Variants in NYAP2 observed in about 807,000 individuals in gnomAD.
NYAP2 encodes neuronal tyrosine-phosphorylated phosphoinositide-3-kinase adaptor 2.
NYAP2 carries 23 observed loss-of-function variants against 50.4 expected under a neutral mutation model. The ratio of observed to expected loss-of-function variants is 0.46; its 90% CI spans 0.33 to 0.65. NYAP2 has a LOEUF of 0.65. Ranked by LOEUF, NYAP2 falls within the 30% of genes least tolerant of loss-of-function variation. The pLI is 0.02. For synonymous variants in NYAP2, 394 were observed against 365.2 expected (o/e 1.08, Z -0.90); for missense variants, 885 against 861.0 (o/e 1.03, Z -0.35).
intron 3 of NYAP2, among the ~76,000 whole-genome samples, chr2:225,410,245 T>C (rs1279000312): frequency 6.6e-6 from 1 of 152,096 alleles, no homozygotes; most frequent in Admixed American, 6.6e-5. Flanking sequence ...CTCTGGACGA[T>C]TAAAATGAAA....
chr2:225,693,724 T>C, the NYAP2 span, among the ~76,000 whole-genome samples: 1 of 151,884 alleles, frequency 6.6e-6, no homozygotes, highest in Non-Finnish European at 1.5e-5. Flanking sequence ...CCCATGCACC[T>C]CCCAATCACC....
intron 2 of NYAP2, among the ~76,000 whole-genome samples, chr2:225,401,606 A>G (rs765626893): frequency 6.6e-6 from 1 of 152,018 alleles, no homozygotes; most frequent in Non-Finnish European, 1.5e-5. Flanking sequence ...GAAAGATTTT[A>G]TTAGTCTCAT....
chr2:225,442,939 G>C (rs1254549722), intron 3 of NYAP2, among the ~76,000 whole-genome samples: 1 of 152,168 alleles, frequency 6.6e-6, no homozygotes, highest in African/African-American at 2.4e-5. Flanking sequence ...AATCATAGCA[G>C]AAGGTGAAGG....
At chr2:225,608,732 C>A (rs1034308448) in intron 5 of NYAP2, among the ~76,000 whole-genome samples, 3 of 152,154 alleles carry the variant, frequency 2.0e-5, no homozygotes, top group African/African-American at 7.2e-5. Context: ...CTCTACCACA[C>A]AGTGACTTTC....
intron 4 of NYAP2, among the ~76,000 whole-genome samples, chr2:225,541,390 C>T (rs954440777): frequency 1.3e-5 from 2 of 152,052 alleles, no homozygotes; most frequent in African/African-American, 2.4e-5. Context: ...GAGAGTTTCC[C>T]CAATGTTTAA....
the NYAP2 span, among the ~76,000 whole-genome samples, chr2:225,675,897 G>C: frequency 5.5e-4 from 83 of 152,186 alleles, no homozygotes; most frequent in East Asian, 0.013. Flanking sequence ...GATGATTAGC[G>C]ATCTTAAACA....
intron 5 of NYAP2, among the ~76,000 whole-genome samples, chr2:225,616,721 C>T (rs914338717): frequency 1.3e-5 from 2 of 152,088 alleles, no homozygotes; most frequent in Non-Finnish European, 2.9e-5. Context: ...AGTTATCCTC[C>T]GAGAGGCAGG....
At chr2:225,522,005 G>T (rs187919231) in intron 4 of NYAP2, among the ~76,000 whole-genome samples, 1 of 152,060 alleles carries the variant, frequency 6.6e-6, no homozygotes, top group Admixed American at 6.6e-5. Flanking sequence ...AGTCTTGGGA[G>T]GGTGTATGTG....
At chr2:225,630,282 T>A (rs990442095) in intron 6 of NYAP2, among the ~76,000 whole-genome samples, 2 of 152,180 alleles carry the variant, frequency 1.3e-5, no homozygotes, top group African/African-American at 4.8e-5. Context: ...ATAGCCCTTG[T>A]TTGCACCCTT....
At chr2:225,519,802 G>C (rs1691014451) in intron 4 of NYAP2, among the ~76,000 whole-genome samples, 2 of 152,152 alleles carry the variant, frequency 1.3e-5, no homozygotes, top group African/African-American at 4.8e-5. Context: ...TGGGATGGCT[G>C]GGTCAAATGG....
At chr2:225,412,754 G>A (rs1274970456) in intron 3 of NYAP2, among the ~76,000 whole-genome samples, 1 of 152,120 alleles carries the variant, frequency 6.6e-6, no homozygotes, top group Non-Finnish European at 1.5e-5. Flanking sequence ...GGAGGCTTGG[G>A]TCTAGGATAA....
intron 3 of NYAP2, among the ~76,000 whole-genome samples, chr2:225,465,833 ACAAT>A (rs911001589): frequency 2.0e-5 from 3 of 152,268 alleles, no homozygotes; most frequent in African/African-American, 7.2e-5. Context: ...TTTCTTCAAC[ACAAT>A]CACTTACTAA....
chr2:225,657,934 C>G (rs180880642), downstream of NYAP2, among the ~76,000 whole-genome samples: 2 of 152,332 alleles, frequency 1.3e-5, no homozygotes, highest in African/African-American at 2.4e-5. Flanking sequence ...CCAACGGCCC[C>G]TTCTCTATAA....
At chr2:225,601,351 C>CCATGGGTCTCGATCT (rs1692687669) in intron 5 of NYAP2, among the ~76,000 whole-genome samples, 1 of 151,930 alleles carries the variant, frequency 6.6e-6, no homozygotes, top group Non-Finnish European at 1.5e-5. Flanking sequence ...GATCTCTTGA[C>CCATGGGTCTCGATCT]CTTGGGTCTC....
At chr2:225,515,274 T>A (rs1336898710) in intron 4 of NYAP2, among the ~76,000 whole-genome samples, 1 of 152,254 alleles carries the variant, frequency 6.6e-6, no homozygotes, top group African/African-American at 2.4e-5. Context: ...TTTGCAAAAT[T>A]GACATCATAG....
intron 5 of NYAP2, among the ~76,000 whole-genome samples, chr2:225,620,462 C>T (rs935006353): frequency 6.1e-5 from 9 of 148,086 alleles, no homozygotes; most frequent in Non-Finnish European, 9.0e-5. Flanking sequence ...CGCACACACG[C>T]GCATGCACAC....
At chr2:225,464,533 A>G (rs926244578) in intron 3 of NYAP2, among the ~76,000 whole-genome samples, 13 of 152,162 alleles carry the variant, frequency 8.5e-5, no homozygotes, top group Non-Finnish European at 1.3e-4. Context: ...AGGGATGGTG[A>G]CTTCAGGTAA....
chr2:225,514,379 A>C (rs1436553954), intron 4 of NYAP2, among the ~76,000 whole-genome samples: 1 of 152,198 alleles, frequency 6.6e-6, no homozygotes, highest in Non-Finnish European at 1.5e-5. Flanking sequence ...GTGCCTTGAC[A>C]CAAGCTATCT....
At chr2:225,529,615 G>C (rs556610969) in intron 4 of NYAP2, among the ~76,000 whole-genome samples, 1 of 152,276 alleles carries the variant, frequency 6.6e-6, no homozygotes, top group African/African-American at 2.4e-5. Flanking sequence ...ATGAACTACC[G>C]TGCCTGGCCC....
Sources: allele counts gnomAD v4.1 joint callset (sites outside exome capture counted in the v4.1 genomes callset), GRCh38; gene constraint gnomAD v4.1.1; transcripts MANE v1.5; gene names NCBI Gene and HGNC (gene_info 2026-07-23, HGNC 2026-07-21).